Variants in EEPD1 observed in about 807,000 individuals in gnomAD.
EEPD1 encodes endonuclease/exonuclease/phosphatase family domain containing 1.
EEPD1 carries 17 observed loss-of-function variants against 46.3 expected under a neutral mutation model. That is an observed-to-expected ratio of 0.37 (90% CI 0.25 to 0.55). The LOEUF is 0.55. Among genes scored for constraint, EEPD1 ranks in the 20% least tolerant of loss-of-function variants. The probability of loss-of-function intolerance (pLI) is 0.83; values close to 1 mark genes in which losing one functional copy is unlikely to be tolerated. For synonymous variants in EEPD1, 313 were observed against 315.6 expected (o/e 0.99, Z 0.09); for missense variants, 673 against 745.6 (o/e 0.90, Z 1.13).
intron 3 of EEPD1, among the ~76,000 whole-genome samples, chr7:36,261,095 T>C (rs1051940338): frequency 1.3e-5 from 2 of 152,186 alleles, no homozygotes; most frequent in South Asian, 2.1e-4. Flanking sequence ...TGACTGTGTA[T>C]GTATAGATGT....
chr7:36,273,640 G>GC (rs1739958084), intron 3 of EEPD1, among the ~76,000 whole-genome samples: 1 of 152,100 alleles, frequency 6.6e-6, no homozygotes, highest in South Asian at 2.1e-4. Flanking sequence ...TTGTATGCTA[G>GC]CCCCTCCCTC....
At chr7:36,217,379 T>C (rs949174238) in intron 2 of EEPD1, among the ~76,000 whole-genome samples, 3 of 152,214 alleles carry the variant, frequency 2.0e-5, no homozygotes, top group Non-Finnish European at 4.4e-5. Context: ...GCTAATGCAT[T>C]ATAATTAGTG....
At chr7:36,236,502 A>G (rs560743016) in intron 2 of EEPD1, among the ~76,000 whole-genome samples, 1 of 152,078 alleles carries the variant, frequency 6.6e-6, no homozygotes, top group African/African-American at 2.4e-5. Context: ...TTTCCTCTTG[A>G]TTGTCTGGGA....
chr7:36,295,802 G>A (rs1400397761), intron 6 of EEPD1, among the ~76,000 whole-genome samples: 6 of 152,008 alleles, frequency 3.9e-5, no homozygotes, highest in Admixed American at 6.6e-5. Context: ...AGGGAGAGGC[G>A]GACGGATCAC....
intron 2 of EEPD1, among the ~76,000 whole-genome samples, chr7:36,199,903 C>T (rs2726087): frequency 0.96 from 146,558 of 152,244 alleles, 70,808 homozygotes; most frequent in East Asian, 1. Context: ...GGGATTGTCC[C>T]GAAGACCAAC....
At position 36,190,422 on chromosome 7, in the gene EEPD1, G is replaced by A. The variant is rs183413967; in HGVS notation, c.878+35220G>A. Among the ~76,000 whole-genome samples, 521 of 152,296 alleles carry A rather than the reference G, an allele frequency of 3.4e-3. 2 individuals are homozygous for A. The highest frequency in any genetic ancestry group is 0.012 in the African/African-American group (491 of 41,566). On this transcript the variant is annotated intron_variant, in intron 2 of 7. Transcript: ENST00000242108. ...AGATACTAACTATGGATTCCAGTTT[G>A]GGCTGACTCTTGATTTGACTCCTGC...
chr7:36,157,219 C>T (rs1259488333), intron 2 of EEPD1, among the ~76,000 whole-genome samples: 1 of 152,230 alleles, frequency 6.6e-6, no homozygotes, highest in East Asian at 1.9e-4. Context: ...GAATCAATCT[C>T]TGCAGATACC....
At chr7:36,287,018 G>T (rs925842909) in intron 5 of EEPD1, among the ~76,000 whole-genome samples, 1 of 152,010 alleles carries the variant, frequency 6.6e-6, no homozygotes, top group East Asian at 1.9e-4. Context: ...AGGGCAGGAG[G>T]ATCACTTGAG....
chr7:36,165,347 T>C (rs73337064), intron 2 of EEPD1, among the ~76,000 whole-genome samples: 264 of 151,262 alleles, frequency 1.7e-3, no homozygotes, highest in African/African-American at 6.2e-3. Context: ...CTCTAGCATC[T>C]AGGTCTGTGA....
intron 2 of EEPD1, among the ~76,000 whole-genome samples, chr7:36,174,891 T>A (rs1363936136): frequency 6.6e-6 from 1 of 152,210 alleles, no homozygotes; most frequent in Non-Finnish European, 1.5e-5. Flanking sequence ...TAGAGTTTAA[T>A]TGAGTGAGGA....
At chr7:36,156,312 T>C (rs75587941) in intron 2 of EEPD1, among the ~76,000 whole-genome samples, 2,929 of 152,210 alleles carry the variant, frequency 0.019, 115 homozygotes, top group African/African-American at 0.067. Flanking sequence ...CCCAGTGGCA[T>C]GCTCTCATCA....
chr7:36,268,886 T>C (rs1787062949), intron 3 of EEPD1, among the ~76,000 whole-genome samples: 1 of 152,176 alleles, frequency 6.6e-6, no homozygotes, highest in Non-Finnish European at 1.5e-5. Context: ...TTGCCCAAAG[T>C]CAAAACTCTT....
intron 3 of EEPD1, among the ~76,000 whole-genome samples, chr7:36,266,812 G>A (rs1787026701): frequency 6.6e-6 from 1 of 152,154 alleles, no homozygotes; most frequent in South Asian, 2.1e-4. Context: ...TGGATGTCTT[G>A]TGCAAATGGA....
intron 2 of EEPD1, among the ~76,000 whole-genome samples, chr7:36,217,112 G>A (rs1332497083): frequency 1.3e-5 from 2 of 152,266 alleles, no homozygotes; most frequent in Non-Finnish European, 2.9e-5. Flanking sequence ...GTGAAAACAA[G>A]TTTGTTAGGA....
At chr7:36,244,999 G>A (rs1407058055) in intron 3 of EEPD1, among the ~76,000 whole-genome samples, 2 of 151,576 alleles carry the variant, frequency 1.3e-5, no homozygotes, top group Admixed American at 6.6e-5. Flanking sequence ...AAGCTAGAGT[G>A]CAGTAGTATG....
chr7:36,246,957 C>A (rs1328945235), intron 3 of EEPD1, among the ~76,000 whole-genome samples: 2 of 151,980 alleles, frequency 1.3e-5, no homozygotes, highest in Non-Finnish European at 2.9e-5. Context: ...GAAACCCCAT[C>A]TCTACCAAAA....
chr7:36,161,455 A>ATGGG (rs140875888), intron 2 of EEPD1, among the ~76,000 whole-genome samples: 17,899 of 151,862 alleles, frequency 0.12, 1,285 homozygotes, highest in Middle Eastern at 0.17. Flanking sequence ...AGTCAGGTGG[A>ATGGG]TGGGTGGTTG....
intron 3 of EEPD1, among the ~76,000 whole-genome samples, chr7:36,262,323 T>C (rs1786940953): frequency 6.6e-6 from 1 of 152,112 alleles, no homozygotes; most frequent in Admixed American, 6.6e-5. Flanking sequence ...CCATAGGATC[T>C]ACAGCAACCT....
intron 2 of EEPD1, among the ~76,000 whole-genome samples, chr7:36,209,959 A>T (rs139307307): frequency 2.6e-5 from 4 of 152,156 alleles, no homozygotes; most frequent in African/African-American, 7.2e-5. Flanking sequence ...GAGATGACTG[A>T]GTCCAGCCAG....
Sources: allele counts gnomAD v4.1 joint callset (sites outside exome capture counted in the v4.1 genomes callset), GRCh38; gene constraint gnomAD v4.1.1; transcripts MANE v1.5; gene names NCBI Gene and HGNC (gene_info 2026-07-23, HGNC 2026-07-21).